SPHKAP: variants seen among roughly 807,000 people sequenced by gnomAD.
SPHKAP encodes the protein SPHK1 interactor, AKAP domain containing.
In SPHKAP, 67 loss-of-function variants were observed where a neutral mutation model predicts 137.5. The ratio of observed to expected loss-of-function variants is 0.49; its 90% CI spans 0.40 to 0.60. The LOEUF (loss-of-function observed/expected upper bound fraction) is 0.60, where lower values mean the gene tolerates loss of function less well. SPHKAP is among the 20% of genes least tolerant of loss of function. The probability of loss-of-function intolerance (pLI) is 0.00; values close to 1 mark genes in which losing one functional copy is unlikely to be tolerated. For missense variants in SPHKAP, 2,097 were observed against 2,069.3 expected (o/e 1.01, Z -0.26); for synonymous variants, 813 against 785.3 (o/e 1.04, Z -0.59).
chr2:228,023,800 C>T (rs144693276), intron 5 of SPHKAP, among the ~76,000 whole-genome samples: 1 of 152,170 alleles, frequency 6.6e-6, no homozygotes, highest in South Asian at 2.1e-4. Flanking sequence ...TGATTCACTT[C>T]CAGCGCCAGG....
rs1461980426 is a variant in SPHKAP at position 228,017,604 on chromosome 2, C to T, written c.3250G>A (p.Glu1084Lys). 14 of 1,613,762 alleles carry T rather than the reference C, an allele frequency of 8.7e-6. No homozygotes were observed. Among genetic ancestry groups the T allele is most frequent in the Admixed American group, 1.7e-5 (1 of 60,008 alleles). Residue 1084 changes from glutamate to lysine, a missense_variant, in exon 7 of 12, where the codon GAA (glutamate) becomes AAA (lysine). Glu to Lys is a moderately conservative substitution (Grantham distance 56). Coordinates refer to ENST00000392056, the MANE Select transcript of SPHKAP (RefSeq NM_001142644.2). ...RWSRLKASSC[E>K]SIPEEDSEAR... ...TCGGAGTCTTCCTCAGGAATGCTTT[C>T]GCAGCTGGAGGCCTTCAGCCGGCTC...
At position 228,021,488 on chromosome 2, in the gene SPHKAP, C is replaced by G. The variant is rs192920857; in HGVS notation, c.697+223G>C. Among the ~76,000 whole-genome samples, 104 of 152,286 alleles carry G rather than the reference C, an allele frequency of 6.8e-4. 1 individual carries two copies. Among genetic ancestry groups the G allele is most frequent in the Middle Eastern group, 3.4e-3 (1 of 294 alleles). On this transcript the variant is annotated intron_variant, in intron 6 of 11. Transcript: ENST00000392056. ...ATTCCCTTCAGTATGCCTAAGGCAT[C>G]TTTTGGGAGTCTGGATCCATCCAAC...
Position 227,991,298 on chromosome 2 carries a change from TA to T in SPHKAP, c.4749del (p.Gly1585AspfsTer26). On this transcript the variant is annotated frameshift_variant, in exon 10 of 12. Transcript: ENST00000392056. LOFTEE classifies it high-confidence loss of function. ...CCCTCTGTGCTTTCTGACTGTCCTT[TA>T]AGAATCTTCTTTTCTTCTACTAATT... ...INELVEEKKI[L>X]KGQSESTEAP... is the part of the protein sequence containing the mutation. 6.2e-7 allele frequency: 1 copy of T among 1,614,230 alleles called. No homozygotes were observed.
chr2:228,153,996 G>A (rs1454723210), intron 1 of SPHKAP, among the ~76,000 whole-genome samples: 2 of 152,156 alleles, frequency 1.3e-5, no homozygotes, highest in Non-Finnish European at 2.9e-5. Flanking sequence ...GATAGAGAAG[G>A]ATGGCAAATA....
At chr2:227,999,986 C>A (rs990208857) in intron 7 of SPHKAP, among the ~76,000 whole-genome samples, 21 of 152,196 alleles carry the variant, frequency 1.4e-4, no homozygotes, top group Admixed American at 1.4e-3. Flanking sequence ...GTTGCATGTT[C>A]TATATAGGCT....
intron 3 of SPHKAP, among the ~76,000 whole-genome samples, chr2:228,090,458 C>T (rs1354120717): frequency 1.3e-5 from 2 of 152,080 alleles, no homozygotes; most frequent in African/African-American, 2.4e-5. Context: ...CACTGGACTT[C>T]GAGTTGATGC....
intron 11 of SPHKAP, among the ~76,000 whole-genome samples, chr2:227,988,541 G>A (rs2106157103): frequency 6.6e-6 from 1 of 152,280 alleles, no homozygotes; most frequent in African/African-American, 2.4e-5. Flanking sequence ...ACCGAATGGG[G>A]ATTTATGAGA....
intron 7 of SPHKAP, among the ~76,000 whole-genome samples, chr2:228,003,579 T>C (rs1050692475): frequency 2.0e-5 from 3 of 152,174 alleles, no homozygotes; most frequent in Non-Finnish European, 2.9e-5. Context: ...GATTGCCCTG[T>C]CCAGAACTTC....
intron 3 of SPHKAP, among the ~76,000 whole-genome samples, chr2:228,079,291 T>C (rs1170802604): frequency 1.3e-5 from 2 of 152,202 alleles, no homozygotes. Flanking sequence ...GCTCAGGCGA[T>C]AATGCTTGCT....
intron 3 of SPHKAP, among the ~76,000 whole-genome samples, chr2:228,053,579 C>T (rs1193417915): frequency 6.6e-6 from 1 of 152,008 alleles, no homozygotes; most frequent in African/African-American, 2.4e-5. Flanking sequence ...CTATAATTTC[C>T]CCTACCTTTC....
intron 1 of SPHKAP, among the ~76,000 whole-genome samples, chr2:228,146,766 G>C (rs992923199): frequency 3.9e-4 from 59 of 152,286 alleles, no homozygotes; most frequent in Admixed American, 3.9e-4. Flanking sequence ...AATATTCCAT[G>C]GTGTATATGT....
chr2:228,117,768 TTTAG>T (rs1257400126), intron 2 of SPHKAP, among the ~76,000 whole-genome samples: 2 of 151,928 alleles, frequency 1.3e-5, no homozygotes, highest in African/African-American at 4.8e-5. Context: ...TCCTTCTCCT[TTTAG>T]TTAAAGGTAT....
chr2:228,005,177 G>T (rs547925469), intron 7 of SPHKAP, among the ~76,000 whole-genome samples: 1 of 152,258 alleles, frequency 6.6e-6, no homozygotes, highest in East Asian at 1.9e-4. Context: ...CACTATTATT[G>T]TATGGGTGTC....
At chr2:228,177,648 T>G (rs1700781851) in intron 1 of SPHKAP, among the ~76,000 whole-genome samples, 1 of 152,198 alleles carries the variant, frequency 6.6e-6, no homozygotes. Context: ...GTATACAGTA[T>G]TGGGTTGTTT....
At chr2:228,141,345 T>G (rs1009366712) in intron 1 of SPHKAP, among the ~76,000 whole-genome samples, 6 of 152,196 alleles carry the variant, frequency 3.9e-5, no homozygotes, top group Non-Finnish European at 8.8e-5. Flanking sequence ...ATGGTGCTAT[T>G]TCCTGTAAAG....
rs1392138895 is a variant in SPHKAP, at chr2:227,981,073, A to C, written c.*644T>G. 6.6e-6 allele frequency: 1 copy of C among 152,166 alleles called. No individual in the cohort carries two copies. The highest frequency in any genetic ancestry group is 1.9e-4 in the East Asian group (1 of 5,186). The allele number at this position is 152,166 out of a possible 1,614,324, so 9.4% of individuals were successfully genotyped here. A position where few individuals can be genotyped will look rare whatever the true frequency, so the allele number is the denominator to read the frequency against. ...GTTGAATGACAATAGTTTTCTGCTT[A>C]GCTGGGAGTCCACATACTATTTGGG... On this transcript the variant is annotated 3_prime_UTR_variant, in exon 12 of 12. Transcript: ENST00000392056.
At chr2:228,099,744 C>T (rs572337520) in intron 3 of SPHKAP, among the ~76,000 whole-genome samples, 1 of 151,718 alleles carries the variant, frequency 6.6e-6, no homozygotes, top group African/African-American at 2.4e-5. Flanking sequence ...TCTTTCACCT[C>T]TTTGGTTAGA....
chr2:228,006,086 T>C lies in SPHKAP; in HGVS notation c.4448+10320A>G, dbSNP rs374909860. On this transcript the variant is annotated intron_variant, in intron 7 of 11. Coordinates refer to ENST00000392056, the MANE Select transcript of SPHKAP (RefSeq NM_001142644.2). ...TATTTCCTGAATTTGAATGTTGGCC[T>C]GCCTTGCTAGGTTGGGGAAGTTCTC... 3.9e-5 allele frequency among the ~76,000 whole-genome samples: 6 copies of C among 152,190 alleles called. No homozygotes were observed. In the East Asian group the frequency reaches 5.8e-4, roughly 15 times the overall value.
intron 7 of SPHKAP, among the ~76,000 whole-genome samples, chr2:228,009,811 T>A (rs1377288213): frequency 6.6e-6 from 1 of 152,212 alleles, no homozygotes; most frequent in Non-Finnish European, 1.5e-5. Context: ...TATGATGTGA[T>A]GTTTTTAGGG....
Sources: allele counts gnomAD v4.1 joint callset (sites outside exome capture counted in the v4.1 genomes callset), GRCh38; gene constraint gnomAD v4.1.1; transcripts MANE v1.5; gene names NCBI Gene and HGNC (gene_info 2026-07-23, HGNC 2026-07-21).